Variants in GRID2 observed in about 807,000 individuals in gnomAD.
GRID2 encodes glutamate receptor ionotropic, delta-2.
Under a neutral mutation model 114.8 loss-of-function variants are expected in GRID2, and 33 were observed. The ratio of observed to expected loss-of-function variants is 0.29; its 90% confidence interval spans 0.22 to 0.38. GRID2 has a LOEUF of 0.38. Ranked by LOEUF, GRID2 falls within the 10% of genes least tolerant of loss-of-function variation. GRID2 has a pLI of 1.00. For missense variants in GRID2, 1,184 were observed against 1,257.7 expected (o/e 0.94, Z 0.89); for synonymous variants, 505 against 449.9 (o/e 1.12, Z -1.55).
Position 93,779,888 on chromosome 4 carries a change from C to A in GRID2, c.221+10438C>A, listed in dbSNP as rs147723490. Among the ~76,000 whole-genome samples the A allele has an allele frequency of 1.3e-4, 20 of 152,250 alleles. No individual in the cohort carries two copies. The East Asian group carries it at 2.9e-3, about 22-fold the overall frequency. On this transcript the variant is annotated intron_variant, in intron 1 of 1. Coordinates refer to the GRID2 transcript ENST00000637838. ...AAAAGGCAAAGTGTGAGTGAGATTGCGGGATGCCTGGAGGCTGAGCTGAAG... is the reference window on the plus strand; with the variant it reads ...AAAAGGCAAAGTGTGAGTGAGATTGAGGGATGCCTGGAGGCTGAGCTGAAG...
At chr4:93,254,218 C>T (rs143028508) in intron 8 of GRID2, among the ~76,000 whole-genome samples, 1 of 151,954 alleles carries the variant, frequency 6.6e-6, no homozygotes. Context: ...AATAAATACA[C>T]TTTTCAGGGT....
intron 1 of GRID2, among the ~76,000 whole-genome samples, chr4:92,563,717 T>A (rs1372263867): frequency 6.6e-6 from 1 of 152,102 alleles, no homozygotes; most frequent in Non-Finnish European, 1.5e-5. Flanking sequence ...ATTTCTGAGA[T>A]TTATGTAAAG....
chr4:93,369,155 G>C (rs1475500072), intron 8 of GRID2, among the ~76,000 whole-genome samples: 1 of 152,108 alleles, frequency 6.6e-6, no homozygotes, highest in African/African-American at 2.4e-5. Flanking sequence ...GGCTTTGGGG[G>C]AGAATGATTT....
intron 13 of GRID2, among the ~76,000 whole-genome samples, chr4:93,571,880 C>T (rs888028195): frequency 1.3e-5 from 2 of 152,068 alleles, no homozygotes; most frequent in African/African-American, 4.8e-5. Context: ...AAGAATTTTA[C>T]TCCCCAGCTC....
intron 2 of GRID2, among the ~76,000 whole-genome samples, chr4:92,879,210 T>G (rs181756325): frequency 1.3e-5 from 2 of 152,272 alleles, no homozygotes; most frequent in East Asian, 3.9e-4. Flanking sequence ...GTATATATAT[T>G]TTTAAAAGTA....
chr4:93,261,625 C>T (rs1368714), intron 8 of GRID2, among the ~76,000 whole-genome samples: 108,221 of 151,494 alleles, frequency 0.71, 39,556 homozygotes, highest in African/African-American at 0.86. Context: ...CTTGAATAAA[C>T]TGATATAATA....
intron 1 of GRID2, among the ~76,000 whole-genome samples, chr4:92,507,029 C>G (rs1724011739): frequency 6.6e-6 from 1 of 151,818 alleles, no homozygotes; most frequent in Non-Finnish European, 1.5e-5. Context: ...CACTTTCCCT[C>G]CCTAATTTCA....
At chr4:93,558,040 T>A (rs1361630888) in intron 13 of GRID2, among the ~76,000 whole-genome samples, 4 of 152,018 alleles carry the variant, frequency 2.6e-5, no homozygotes, top group Non-Finnish European at 5.9e-5. Flanking sequence ...TTGACATCAA[T>A]AAGAAAAATT....
chr4:92,871,311 T>G lies in GRID2; in HGVS notation c.245-213684T>G, dbSNP rs558034117. On this transcript the variant is annotated intron_variant, in intron 2 of 15. Coordinates refer to ENST00000282020, the MANE Select transcript of GRID2 (RefSeq NM_001510.4). ...CATTTAGCCACTGGGATTCTCTGATTCTTTTTTTTTCTGTTAATGTAACAA... is the reference window on the plus strand; with the variant it reads ...CATTTAGCCACTGGGATTCTCTGATGCTTTTTTTTTCTGTTAATGTAACAA... Among the ~76,000 whole-genome samples the G allele has an allele frequency of 5.2e-3, 783 of 151,484 alleles. 6 individuals are homozygous for G. Among genetic ancestry groups the G allele is most frequent in the Non-Finnish European group, 8.1e-3 (553 of 67,944 alleles).
intron 14 of GRID2, among the ~76,000 whole-genome samples, chr4:93,649,159 A>G (rs1364332527): frequency 1.3e-5 from 2 of 152,146 alleles, no homozygotes; most frequent in African/African-American, 2.4e-5. Context: ...TATTTTGACC[A>G]TATCACATAA....
chr4:92,602,290 T>C (rs1370260657), intron 2 of GRID2, among the ~76,000 whole-genome samples: 1 of 148,112 alleles, frequency 6.8e-6, no homozygotes, highest in African/African-American at 2.5e-5. Context: ...TGAACATCGA[T>C]GTAAAAATCA....
intron 1 of GRID2, among the ~76,000 whole-genome samples, chr4:92,528,474 T>C (rs1725151459): frequency 6.6e-6 from 1 of 151,926 alleles, no homozygotes; most frequent in Admixed American, 6.6e-5. Flanking sequence ...GAATGTGACA[T>C]TGTCAATAAC....
chr4:93,793,315 C>A (rs1262437058), intron 1 of GRID2, among the ~76,000 whole-genome samples: 2 of 152,000 alleles, frequency 1.3e-5, no homozygotes, highest in Non-Finnish European at 2.9e-5. Context: ...TTGAAGATGC[C>A]CTCCTTCCCT....
chr4:93,063,392 G>T (rs539609219), intron 2 of GRID2, among the ~76,000 whole-genome samples: 8 of 151,882 alleles, frequency 5.3e-5, no homozygotes, highest in Admixed American at 2.6e-4. Flanking sequence ...TAACAATCAA[G>T]TTTTACAATA....
chr4:92,915,246 T>G lies in GRID2; in HGVS notation c.245-169749T>G, dbSNP rs192459734. Among the ~76,000 whole-genome samples the G allele has an allele frequency of 7.2e-5, 11 of 152,298 alleles. No homozygotes were observed. In the East Asian group the frequency reaches 1.9e-3, roughly 27 times the overall value. On this transcript the variant is annotated intron_variant, in intron 2 of 15. Transcript: ENST00000282020. ...GGTCTCTCCCTTGACACATGGGGAT[T>G]ATGTCCTATTAGCCTTATTCTAATG...
chr4:93,251,384 G>A (rs1040809936), intron 8 of GRID2, among the ~76,000 whole-genome samples: 1 of 152,010 alleles, frequency 6.6e-6, no homozygotes, highest in Non-Finnish European at 1.5e-5. Context: ...GGCAAAAATT[G>A]ATTTATTTCC....
intron 2 of GRID2, among the ~76,000 whole-genome samples, chr4:93,009,117 T>C (rs958289375): frequency 1.3e-5 from 2 of 152,184 alleles, no homozygotes; most frequent in Non-Finnish European, 2.9e-5. Flanking sequence ...TTAACTTTTT[T>C]ACTGCATTGG....
intron 14 of GRID2, among the ~76,000 whole-genome samples, chr4:93,668,602 G>A (rs912705890): frequency 1.3e-5 from 2 of 152,042 alleles, no homozygotes; most frequent in Middle Eastern, 3.2e-3. Context: ...TGAGAAAGAA[G>A]TAGAGATATA....
chr4:92,376,228 T>A (rs1385782565), intron 1 of GRID2, among the ~76,000 whole-genome samples: 2 of 152,008 alleles, frequency 1.3e-5, no homozygotes, highest in Non-Finnish European at 2.9e-5. Flanking sequence ...GAGAATGGCA[T>A]GAACCCGGGA....
Sources: allele counts gnomAD v4.1 joint callset (sites outside exome capture counted in the v4.1 genomes callset), GRCh38; gene constraint gnomAD v4.1.1; transcripts MANE v1.5; gene names NCBI Gene and HGNC (gene_info 2026-07-23, HGNC 2026-07-21).